The following NXPE2 variants were observed in gnomAD, a reference collection of about 807,000 sequenced individuals.
The protein encoded by NXPE2 is NXPE family member 2.
In NXPE2, 34 loss-of-function variants were observed where a neutral mutation model predicts 34.4. That is an observed-to-expected ratio of 0.99 (90% CI 0.75 to 1.31). The LOEUF (loss-of-function observed/expected upper bound fraction) is 1.31, where lower values mean the gene tolerates loss of function less well. NXPE2 is among the 40% of genes most tolerant of loss of function. The pLI is 0.00. For synonymous variants in NXPE2, 235 were observed against 231.3 expected, an observed-to-expected ratio of 1.02 and a Z score of -0.15; for missense variants, 649 against 672.5, an observed-to-expected ratio of 0.97 and a Z score of 0.39.
chr11:114,795,494 C>T, the NXPE2 span, among the ~76,000 whole-genome samples: 4 of 152,180 alleles, frequency 2.6e-5, no homozygotes, highest in Non-Finnish European at 4.4e-5. Context: ...ATGCATGATA[C>T]CCAGTTTCCA....
the NXPE2 span, among the ~76,000 whole-genome samples, chr11:114,613,074 A>G: frequency 1.3e-5 from 2 of 151,934 alleles, no homozygotes; most frequent in African/African-American, 4.8e-5. Context: ...AACCACTGTT[A>G]CCCGGTGGAT....
the NXPE2 span, among the ~76,000 whole-genome samples, chr11:114,608,035 C>T: frequency 6.7e-6 from 1 of 150,288 alleles, no homozygotes; most frequent in Admixed American, 6.7e-5. Flanking sequence ...CTGTTACCTG[C>T]TGGATAATAA....
At chr11:114,794,212 G>A in the NXPE2 span, among the ~76,000 whole-genome samples, 1 of 151,866 alleles carries the variant, frequency 6.6e-6, no homozygotes, top group African/African-American at 2.4e-5. Flanking sequence ...CACTTCTCCT[G>A]TGAACTCTAT....
chr11:114,574,873 G>A, the NXPE2 span, among the ~76,000 whole-genome samples: 2 of 151,794 alleles, frequency 1.3e-5, no homozygotes, highest in East Asian at 1.9e-4. Context: ...CTCAACCAGG[G>A]AAGGACACAA....
chr11:114,559,539 T>G, the NXPE2 span, among the ~76,000 whole-genome samples: 1 of 152,180 alleles, frequency 6.6e-6, no homozygotes, highest in African/African-American at 2.4e-5. Flanking sequence ...ATTAGAGAAA[T>G]ATTTTATCTT....
At chr11:114,523,797 T>C in the NXPE2 span, among the ~76,000 whole-genome samples, 5 of 152,186 alleles carry the variant, frequency 3.3e-5, no homozygotes, top group African/African-American at 1.2e-4. Context: ...TCCTTACCAC[T>C]CTCTATGCTG....
chr11:114,504,668 G>A, the NXPE2 span, among the ~76,000 whole-genome samples: 1 of 152,036 alleles, frequency 6.6e-6, no homozygotes, highest in African/African-American at 2.4e-5. Context: ...CAGAAATGAA[G>A]CCAGCTGGCT....
At chr11:114,524,114 A>T in the NXPE2 span, among the ~76,000 whole-genome samples, 1 of 152,118 alleles carries the variant, frequency 6.6e-6, no homozygotes, top group Non-Finnish European at 1.5e-5. Context: ...CTCACATTAT[A>T]TCTAAAGTTC....
chr11:114,773,453 C>G, the NXPE2 span, among the ~76,000 whole-genome samples: 2 of 152,044 alleles, frequency 1.3e-5, no homozygotes, highest in Non-Finnish European at 2.9e-5. Context: ...GACCTTCTTT[C>G]TTTTCTTGTG....
At chr11:114,585,486 A>G in the NXPE2 span, among the ~76,000 whole-genome samples, 1 of 152,134 alleles carries the variant, frequency 6.6e-6, no homozygotes, top group African/African-American at 2.4e-5. Flanking sequence ...CACTATGCTT[A>G]TATCAGATAA....
the NXPE2 span, chr11:114,595,853 G>C: frequency 2.0e-5 from 3 of 152,346 alleles, no homozygotes; most frequent in African/African-American, 7.2e-5. Context: ...AGCTCAAGCA[G>C]AGGTAGGAAG....
At chr11:114,591,532 C>T in the NXPE2 span, among the ~76,000 whole-genome samples, 2 of 152,116 alleles carry the variant, frequency 1.3e-5, no homozygotes, top group Non-Finnish European at 2.9e-5. Context: ...CAACTTGAAG[C>T]CCCTCTAACC....
At chr11:114,603,115 C>G in the NXPE2 span, among the ~76,000 whole-genome samples, 783 of 151,914 alleles carry the variant, frequency 5.2e-3, 3 homozygotes, top group Middle Eastern at 0.01. Flanking sequence ...TCATAGGTAA[C>G]TACTATTATC....
At chr11:114,807,788 A>G in the NXPE2 span, among the ~76,000 whole-genome samples, 3 of 151,994 alleles carry the variant, frequency 2.0e-5, no homozygotes, top group African/African-American at 7.3e-5. Context: ...ATCAAACGAG[A>G]CAGAAAGTTA....
At chr11:114,658,097 C>T in the NXPE2 span, among the ~76,000 whole-genome samples, 2 of 152,274 alleles carry the variant, frequency 1.3e-5, no homozygotes, top group East Asian at 3.9e-4. Context: ...GAGGCATCAT[C>T]AATCCCGTCA....
the NXPE2 span, among the ~76,000 whole-genome samples, chr11:114,656,256 G>C: frequency 6.6e-6 from 1 of 151,996 alleles, no homozygotes; most frequent in Non-Finnish European, 1.5e-5. Flanking sequence ...AGAACTACAA[G>C]CCACTACTCA....
the NXPE2 span, chr11:114,553,725 A>G: frequency 1.0e-6 from 1 of 985,382 alleles, no homozygotes; most frequent in Admixed American, 6.1e-5. Context: ...TGCATATCCC[A>G]GTGTCTTTAA....
chr11:114,535,788 C>T, the NXPE2 span, among the ~76,000 whole-genome samples: 5 of 152,270 alleles, frequency 3.3e-5, no homozygotes, highest in East Asian at 7.7e-4. Flanking sequence ...AAAGCAAGTC[C>T]TTAGTGACCT....
At chr11:114,796,046 G>A in the NXPE2 span, among the ~76,000 whole-genome samples, 1 of 152,162 alleles carries the variant, frequency 6.6e-6, no homozygotes. Context: ...AAGGACATAG[G>A]ACTTGGATTT....
Sources: gnomAD v4.1 joint callset for allele counts (sites outside exome capture counted in the v4.1 genomes callset) on GRCh38, gnomAD v4.1.1 for gene constraint, MANE v1.5 for transcripts, NCBI Gene and HGNC (gene_info 2026-07-23, HGNC 2026-07-21) for gene names.